PCBP3: variants seen among roughly 807,000 people sequenced by gnomAD.
PCBP3 encodes the protein poly(rC) binding protein 3, also known as poly(rC)-binding protein 3.
Under a neutral mutation model 52.7 loss-of-function variants are expected in PCBP3, and 25 were observed. The observed-to-expected ratio is 0.47, with a 90% CI of 0.35 to 0.66. PCBP3 has a LOEUF of 0.66. Among genes scored for constraint, PCBP3 ranks in the 30% least tolerant of loss-of-function variants. The pLI is 0.01. For synonymous variants in PCBP3, 162 were observed against 183.0 expected (o/e 0.89, Z 0.93); for missense variants, 391 against 490.3 (o/e 0.80, Z 1.91).
At chr21:45,755,572 A>C (rs899924169) in intron 4 of PCBP3, among the ~76,000 whole-genome samples, 120 bp downstream of exon 4, 1 of 152,200 alleles carries the variant, frequency 6.6e-6, no homozygotes, top group Non-Finnish European at 1.5e-5. Flanking sequence ...TGTGAAATAA[A>C]TGGTCAGCAT....
At chr21:45,774,464 A>G (rs2090112401) in intron 4 of PCBP3, among the ~76,000 whole-genome samples, 1 of 151,868 alleles carries the variant, frequency 6.6e-6, no homozygotes, top group African/African-American at 2.4e-5. Context: ...ATCATCAGCA[A>G]AGAAGGACAA....
intron 4 of PCBP3, among the ~76,000 whole-genome samples, chr21:45,789,159 G>T (rs542111911): frequency 6.6e-6 from 1 of 152,346 alleles, no homozygotes; most frequent in African/African-American, 2.4e-5. Context: ...GCAGAGGTCA[G>T]GAGTGAATGT....
At chr21:45,894,077 T>C (rs1316924903) in intron 5 of PCBP3, 1 of 975,206 alleles carries the variant, frequency 1.0e-6, no homozygotes, top group Non-Finnish European at 1.2e-6. Context: ...GCCTTCCGAG[T>C]GGTCTGCAGC....
chr21:45,883,031 C>T (rs1237542384), intron 5 of PCBP3, among the ~76,000 whole-genome samples: 2 of 152,176 alleles, frequency 1.3e-5, no homozygotes, highest in Non-Finnish European at 1.5e-5. Context: ...GTGTGTGTTT[C>T]GTGCCACAGG....
chr21:45,780,445 A>G (rs2090555191), intron 4 of PCBP3, among the ~76,000 whole-genome samples: 1 of 152,250 alleles, frequency 6.6e-6, no homozygotes, highest in Non-Finnish European at 1.5e-5. Flanking sequence ...CTTTATCCTG[A>G]CAGGCAGTCT....
intron 2 of PCBP3, among the ~76,000 whole-genome samples, chr21:45,683,543 A>G (rs1240621521): frequency 6.6e-6 from 1 of 152,208 alleles, no homozygotes; most frequent in Non-Finnish European, 1.5e-5. Flanking sequence ...TAATACTGCA[A>G]TGGAATGGCA....
chr21:45,902,732 G>A (rs1246926903), intron 9 of PCBP3, among the ~76,000 whole-genome samples: 1 of 152,258 alleles, frequency 6.6e-6, no homozygotes, highest in Non-Finnish European at 1.5e-5. Context: ...GTGCTGGGCA[G>A]CCCGCTCCTG....
At chr21:45,815,219 GTGAGTGATGAGTGGTGAGTGA>G (rs2092867540) in intron 4 of PCBP3, among the ~76,000 whole-genome samples, 1 of 87,308 alleles carries the variant, frequency 1.1e-5, no homozygotes, top group Non-Finnish European at 2.4e-5. Flanking sequence ...TGAGTGAGTG[GTGAGTGATGAGTGGTGAGTGA>G]TGAGTGAGTG....
intron 3 of PCBP3, among the ~76,000 whole-genome samples, chr21:45,753,556 C>T (rs1293284770): frequency 1.3e-5 from 2 of 152,034 alleles, no homozygotes; most frequent in Admixed American, 1.3e-4. Context: ...ATTTTAATTA[C>T]TTATAATTTG....
chr21:45,813,681 T>C (rs2092746258), intron 4 of PCBP3, among the ~76,000 whole-genome samples: 1 of 152,228 alleles, frequency 6.6e-6, no homozygotes, highest in Non-Finnish European at 1.5e-5. Flanking sequence ...TGGCCTCAAG[T>C]GATCCACCTG....
Position 45,924,478 on chromosome 21 carries a change from CGTGAGGAGATGCGA to C in PCBP3, c.718-5438_718-5425del, listed in dbSNP as rs2075057289. ...AACAGCACACGTAAGATCGGGTGTG[CGTGAGGAGATGCGA>C]ACACCGGGAACAGTCGAGTGGATAG... is the stretch of plus-strand genomic sequence containing the variant. On this transcript the variant is annotated intron_variant, in intron 13 of 17. Transcript: ENST00000681687. Among the ~76,000 whole-genome samples the C allele has an allele frequency of 3.5e-5, 4 of 112,988 alleles. 1 individual carries two copies. The highest frequency in any genetic ancestry group is 8.1e-5 in the African/African-American group (2 of 24,558). 74.1% of individuals were successfully genotyped at this position (112,988 alleles called of 152,430 possible).
At chr21:45,703,133 A>G (rs1046867541) in intron 2 of PCBP3, among the ~76,000 whole-genome samples, 14 of 152,206 alleles carry the variant, frequency 9.2e-5, no homozygotes, top group Non-Finnish European at 2.1e-4. Flanking sequence ...ACTTCCTTCA[A>G]TAAAGGATGG....
At chr21:45,727,268 C>A (rs1325411104) in intron 2 of PCBP3, among the ~76,000 whole-genome samples, 1 of 152,218 alleles carries the variant, frequency 6.6e-6, no homozygotes, top group Non-Finnish European at 1.5e-5. Flanking sequence ...GTTGTTCCAG[C>A]ACCATTTCTT....
intron 2 of PCBP3, among the ~76,000 whole-genome samples, chr21:45,699,238 G>T (rs894443467): frequency 2.0e-5 from 3 of 152,146 alleles, no homozygotes; most frequent in African/African-American, 7.2e-5. Flanking sequence ...TCTCCCAAGT[G>T]ACCTAGAAGC....
In PCBP3 at chr21:45,644,854, C is replaced by T. The variant is rs540643033; in HGVS notation, c.-279+986C>T. 1.8e-3 allele frequency among the ~76,000 whole-genome samples: 269 copies of T among 152,322 alleles called. 2 individuals carry two copies. The highest frequency in any genetic ancestry group is 6.3e-3 in the African/African-American group (261 of 41,564). ...TCCTCTGGCACAGGCCCTCACATATCCCTCTGAAATTGAACTCACTTTCAG... is the reference window on the plus strand; with the variant it reads ...TCCTCTGGCACAGGCCCTCACATATTCCTCTGAAATTGAACTCACTTTCAG... On this transcript the variant is annotated intron_variant, in intron 1 of 17. Coordinates refer to ENST00000681687, the MANE Select transcript of PCBP3 (RefSeq NM_001384156.1).
chr21:45,661,416 G>T lies in PCBP3; in HGVS notation c.-278-7458G>T, dbSNP rs566275375. 2.0e-5 allele frequency among the ~76,000 whole-genome samples: 3 copies of T among 152,010 alleles called. No individual in the cohort carries two copies. The South Asian group carries it at 6.2e-4, about 32-fold the overall frequency. On this transcript the variant is annotated intron_variant, in intron 1 of 17. Transcript: ENST00000681687. ...TCGTAAGTGAGAATATATGGTATTT[G>T]ACTTTCTGAATTATTTCACTTAAGA...
chr21:45,727,212 A>C (rs964064510), intron 2 of PCBP3, among the ~76,000 whole-genome samples: 1 of 152,206 alleles, frequency 6.6e-6, no homozygotes, highest in Non-Finnish European at 1.5e-5. Flanking sequence ...ATGCAAAGAA[A>C]ATGTCAAGGT....
intron 4 of PCBP3, among the ~76,000 whole-genome samples, chr21:45,813,353 AT>A (rs1455831245): frequency 6.6e-6 from 1 of 151,958 alleles, no homozygotes; most frequent in Non-Finnish European, 1.5e-5. Flanking sequence ...TCATTTCTTG[AT>A]TTCTAGTTGG....
chr21:45,884,685 C>T (rs2095478381), intron 5 of PCBP3, among the ~76,000 whole-genome samples: 1 of 152,120 alleles, frequency 6.6e-6, no homozygotes, highest in African/African-American at 2.4e-5. Flanking sequence ...CTCAGCCTCC[C>T]CAGTAGCTGG....
Sources: gnomAD v4.1 joint callset for allele counts (sites outside exome capture counted in the v4.1 genomes callset) on GRCh38, gnomAD v4.1.1 for gene constraint, MANE v1.5 for transcripts, NCBI Gene and HGNC (gene_info 2026-07-23, HGNC 2026-07-21) for gene names.